The following SGF29 variants were observed in gnomAD, a reference collection of about 807,000 sequenced individuals.
The protein encoded by SGF29 is SAGA-associated factor 29.
In SGF29, 15 loss-of-function variants were observed where a neutral mutation model predicts 38.1. The ratio of observed to expected loss-of-function variants is 0.39; its 90% CI spans 0.26 to 0.61. The LOEUF (loss-of-function observed/expected upper bound fraction) is 0.61. Among genes scored for constraint, SGF29 ranks in the 20% least tolerant of loss-of-function variants. The pLI is 0.49. For synonymous variants in SGF29, 151 were observed against 160.8 expected (o/e 0.94, Z 0.46); for missense variants, 184 against 394.6 (o/e 0.47, Z 4.52).
At chr16:28,557,336 A>C (rs1407666413) in intron 1 of SGF29, among the ~76,000 whole-genome samples, 1 of 152,186 alleles carries the variant, frequency 6.6e-6, no homozygotes, top group Non-Finnish European at 1.5e-5. Flanking sequence ...TGATATTGTA[A>C]AATATATATC....
intron 1 of SGF29, among the ~76,000 whole-genome samples, chr16:28,566,486 T>A (rs1242294247): frequency 2.0e-5 from 3 of 151,914 alleles, no homozygotes; most frequent in Admixed American, 6.6e-5. Context: ...AGGGCAGGCA[T>A]GGAGATAAGA....
intron 1 of SGF29, among the ~76,000 whole-genome samples, chr16:28,559,365 A>T (rs1476434038): frequency 1.4e-5 from 2 of 146,324 alleles, no homozygotes; most frequent in Non-Finnish European, 3.1e-5. Context: ...CATGCGAATT[A>T]TCTTCATTAA....
chr16:28,581,059 C>T lies in SGF29; in HGVS notation c.-11C>T, dbSNP rs1202652990. 2 of 1,613,132 alleles carry T rather than the reference C, an allele frequency of 1.2e-6. No homozygotes were observed. Among genetic ancestry groups the T allele is most frequent in the Non-Finnish European group, 1.7e-6 (2 of 1,179,380 alleles). Reference sequence around the variant, plus strand: ...CTGTCCTCGCTCCCCCACCAGGTGCCCCTGTAGACAATGGCCCTCGTGTCT... The same window carrying T: ...CTGTCCTCGCTCCCCCACCAGGTGCTCCTGTAGACAATGGCCCTCGTGTCT... On this transcript the variant is annotated 5_prime_UTR_variant, in exon 2 of 10. Transcript: ENST00000317058.
At position 28,590,498 on chromosome 16, in the gene SGF29, G is replaced by A. The variant is rs955973731; in HGVS notation, c.566+56G>A. 9.3e-6 allele frequency: 15 copies of A among 1,613,678 alleles called. No individual in the cohort carries two copies. The highest frequency in any genetic ancestry group is 1.7e-5 in the Admixed American group (1 of 60,018). On this transcript the variant is annotated intron_variant, in intron 7 of 9. Coordinates refer to ENST00000317058, the MANE Select transcript of SGF29 (RefSeq NM_138414.3). This position sits in a 1 kb window ranked among gnomAD's most constrained non-coding sequence, Gnocchi z 8.2. ...TGGTCACCGAACTTGCCTGGGCTAC[G>A]GGAGAAAAGCTCTGCAGAGGGTGCT...
rs1181891148 is a variant in SGF29, at chr16:28,584,990, T to A, written c.151+2T>A. The A allele has an allele frequency of 6.2e-7, 1 of 1,612,434 alleles. No individual in the cohort carries two copies. The highest frequency in any genetic ancestry group is 1.1e-5 in the South Asian group (1 of 90,998). On this transcript the variant is annotated splice_donor_variant, in intron 3 of 9. Transcript: ENST00000317058. LOFTEE classifies it high-confidence loss of function. ...AGCGGATGCAGACAGAGAACAAGAG[T>A]GAGTAGCTGGGCTCAGGAGAGAAAG...
chr16:28,564,615 ACATATATGCATATATATACG>A (rs1470867549), intron 1 of SGF29, among the ~76,000 whole-genome samples: 30 of 130,042 alleles, frequency 2.3e-4, no homozygotes, highest in African/African-American at 8.2e-4. Flanking sequence ...GTATATATAT[ACATATATGCATATATATACG>A]TATATATGTG....
chr16:28,572,885 C>T (rs1475657398), intron 1 of SGF29, among the ~76,000 whole-genome samples: 1 of 151,888 alleles, frequency 6.6e-6, no homozygotes, highest in Admixed American at 6.6e-5. Context: ...GCATGAAACT[C>T]CCCCCAGCCA....
chr16:28,585,430 ACT>A, intron 3 of SGF29: 1 of 597,332 alleles, frequency 1.7e-6, no homozygotes, highest in Non-Finnish European at 3.0e-6. Flanking sequence ...GTAAGACAGT[ACT>A]CTCGCAGATG....
chr16:28,566,229 G>A (rs1317518636), intron 1 of SGF29, among the ~76,000 whole-genome samples: 2 of 151,140 alleles, frequency 1.3e-5, no homozygotes, highest in Non-Finnish European at 3.0e-5. Context: ...AGCCAAGATC[G>A]CGCCACTGCA....
At chr16:28,560,937 G>A (rs1407498471) in intron 1 of SGF29, among the ~76,000 whole-genome samples, 5 of 149,102 alleles carry the variant, frequency 3.4e-5, no homozygotes, top group Non-Finnish European at 7.4e-5. Context: ...CTCCAGCCTG[G>A]GTGACAGAGC....
intron 1 of SGF29, among the ~76,000 whole-genome samples, chr16:28,554,597 C>T (rs1038692654): frequency 6.6e-6 from 1 of 152,166 alleles, no homozygotes; most frequent in African/African-American, 2.4e-5. Context: ...GGCGTGAGCC[C>T]CCGCGCCCGG....
intron 1 of SGF29, among the ~76,000 whole-genome samples, chr16:28,573,916 C>G (rs544713507): frequency 6.6e-6 from 1 of 152,132 alleles, no homozygotes; most frequent in Admixed American, 6.6e-5. Flanking sequence ...CAGCACCTCT[C>G]GCTGTTTGTG....
At chr16:28,588,483 T>C (rs2046967824) in intron 4 of SGF29, 1 of 344,538 alleles carries the variant, frequency 2.9e-6, no homozygotes, top group African/African-American at 2.2e-5. Flanking sequence ...GATCCTGTGT[T>C]CTCTTAGTTT....
At chr16:28,556,136 C>T (rs1470355291) in intron 1 of SGF29, among the ~76,000 whole-genome samples, 1 of 152,110 alleles carries the variant, frequency 6.6e-6, no homozygotes, top group African/African-American at 2.4e-5. Context: ...TTCTTAATGT[C>T]TCTTTAACCA....
chr16:28,561,077 T>A (rs558668553), intron 1 of SGF29, among the ~76,000 whole-genome samples: 15 of 152,228 alleles, frequency 9.9e-5, no homozygotes, highest in African/African-American at 1.9e-4. Context: ...TAAATTTTTT[T>A]AAAAATTTAA....
chr16:28,561,771 C>T (rs2046791685), intron 1 of SGF29, among the ~76,000 whole-genome samples: 1 of 152,164 alleles, frequency 6.6e-6, no homozygotes, highest in African/African-American at 2.4e-5. Context: ...CACCCTCGGA[C>T]TCTGATAAAA....
chr16:28,556,397 G>T (rs952537866), intron 1 of SGF29, among the ~76,000 whole-genome samples: 2 of 152,134 alleles, frequency 1.3e-5, no homozygotes, highest in Non-Finnish European at 2.9e-5. Flanking sequence ...GCCCAGGCTG[G>T]ATTGCAATGG....
At chr16:28,587,917 A>G (rs946074274) in intron 4 of SGF29, among the ~76,000 whole-genome samples, 1 of 152,120 alleles carries the variant, frequency 6.6e-6, no homozygotes, top group African/African-American at 2.4e-5. Flanking sequence ...CTCTTGCCTC[A>G]GCCTCCCAAG....
chr16:28,574,005 G>A (rs2046879869), intron 1 of SGF29, among the ~76,000 whole-genome samples: 1 of 152,150 alleles, frequency 6.6e-6, no homozygotes, highest in Non-Finnish European at 1.5e-5. Flanking sequence ...GTGCAAGGCG[G>A]GCCATTGGTT....
Sources: gnomAD v4.1 joint callset for allele counts (sites outside exome capture counted in the v4.1 genomes callset) on GRCh38, gnomAD v4.1.1 for gene constraint, Gnocchi (gnomAD v3.1) non-coding constraint, MANE v1.5 for transcripts, NCBI Gene and HGNC (gene_info 2026-07-23, HGNC 2026-07-21) for gene names.